The following SATL1 variants were observed in gnomAD, a reference collection of about 807,000 sequenced individuals.
SATL1 encodes the protein spermidine/spermine N1-acetyl transferase like 1, also known as spermidine/spermine N(1)-acetyltransferase-like protein 1.
A neutral mutation model predicts 51.8 loss-of-function variants in SATL1; 47 were observed. That is an observed-to-expected ratio of 0.91 (90% CI 0.72 to 1.16). The LOEUF (loss-of-function observed/expected upper bound fraction) is 1.16, where lower values mean the gene tolerates loss of function less well. Among genes scored for constraint, SATL1 ranks in the 50% most tolerant of loss-of-function variants. The pLI is 0.00. For missense variants in SATL1, 520 were observed against 526.4 expected (o/e 0.99, Z 0.12); for synonymous variants, 176 against 182.4 (o/e 0.97, Z 0.28).
At chrX:85,209,731 CTTT>C (rs1280089137) in intron 2 of SATL1, 5 of 110,496 alleles carry the variant, frequency 4.5e-5, no homozygotes, top group African/African-American at 1.6e-4. Context: ...CCCTTTTCTT[CTTT>C]ACTAGTCTTG....
chrX:85,168,032 AAC>A (rs1491301616), intron 2 of SATL1, among the ~76,000 whole-genome samples: 2 of 111,234 alleles, frequency 1.8e-5, no homozygotes, highest in Non-Finnish European at 3.8e-5. Flanking sequence ...CAAAAAAAAA[AAC>A]ACATGATTGT....
At chrX:85,138,501 T>G (rs946748667) in intron 2 of SATL1, among the ~76,000 whole-genome samples, 1 of 111,521 alleles carries the variant, frequency 9.0e-6, no homozygotes, top group Non-Finnish European at 1.9e-5. Context: ...GAGTTTTTTT[T>G]GTTTTTGTTT....
In SATL1 at chrX:85,220,295, G is replaced by T. The variant is rs772303880; in HGVS notation, c.-313+3910C>A. 1.2e-4 allele frequency among the ~76,000 whole-genome samples: 13 copies of T among 110,248 alleles called. No homozygotes were observed. In the East Asian group the frequency reaches 3.8e-3, roughly 32 times the overall value. ...TTGCCACCCAGGGCCAAAGTGCTCT[G>T]GATTTCAAAGCAAACTTGATAGGCA... On this transcript the variant is annotated intron_variant, in intron 2 of 7. Coordinates refer to ENST00000644105, the MANE Select transcript of SATL1 (RefSeq NM_001367857.2).
chrX:85,152,826 G>A (rs1264716872), intron 2 of SATL1, among the ~76,000 whole-genome samples: 2 of 110,064 alleles, frequency 1.8e-5, no homozygotes, highest in Non-Finnish European at 3.8e-5. Context: ...GTGGGGTGGG[G>A]GTAGTGGGGA....
At chrX:85,119,745 T>G (rs774852510) in intron 2 of SATL1, among the ~76,000 whole-genome samples, 1 of 110,997 alleles carries the variant, frequency 9.0e-6, no homozygotes, top group African/African-American at 3.3e-5. Context: ...AAAATCTGGT[T>G]TTACTTTAGC....
At chrX:85,138,884 G>A (rs1314584399) in intron 2 of SATL1, among the ~76,000 whole-genome samples, 1 of 111,918 alleles carries the variant, frequency 8.9e-6, no homozygotes, top group Non-Finnish European at 1.9e-5. Flanking sequence ...TAATGCAGGA[G>A]AGAAATGAAG....
At chrX:85,101,728 A>G (rs1172543408) in intron 4 of SATL1, among the ~76,000 whole-genome samples, 1 of 111,795 alleles carries the variant, frequency 8.9e-6, no homozygotes, top group Non-Finnish European at 1.9e-5. Context: ...TTGTACACCA[A>G]TGTTTCACAG....
intron 2 of SATL1, among the ~76,000 whole-genome samples, chrX:85,130,115 G>T (rs1487876039): frequency 9.0e-6 from 1 of 111,210 alleles, no homozygotes; most frequent in Non-Finnish European, 1.9e-5. Flanking sequence ...CTCTTTTTTT[G>T]TTGTATCTCT....
intron 2 of SATL1, among the ~76,000 whole-genome samples, chrX:85,113,581 C>G (rs778969432): frequency 8.9e-6 from 1 of 111,854 alleles, no homozygotes; most frequent in African/African-American, 3.2e-5. Flanking sequence ...AACACGTATA[C>G]TATATTTTTT....
chrX:85,151,974 AT>A (rs1926454989), intron 2 of SATL1, among the ~76,000 whole-genome samples: 1 of 110,235 alleles, frequency 9.1e-6, no homozygotes, highest in Non-Finnish European at 1.9e-5. Context: ...ATGGGATCTA[AT>A]TAAACTAAAG....
chrX:85,135,733 G>A (rs1007595652), intron 2 of SATL1, among the ~76,000 whole-genome samples: 17 of 107,526 alleles, frequency 1.6e-4, no homozygotes, highest in Non-Finnish European at 1.9e-5. Context: ...ACTCACCACC[G>A]TGCTCGAGTA....
chrX:85,137,943 G>A (rs1231165875), intron 2 of SATL1, among the ~76,000 whole-genome samples: 5 of 111,365 alleles, frequency 4.5e-5, no homozygotes, highest in East Asian at 2.8e-4. Context: ...ACTAATAAGC[G>A]CATCAAAAAC....
At chrX:85,222,084 T>C (rs1041778535) in intron 2 of SATL1, among the ~76,000 whole-genome samples, 1 of 111,871 alleles carries the variant, frequency 8.9e-6, no homozygotes, top group African/African-American at 3.2e-5. Context: ...GTCAAAGGCA[T>C]AGTTATATAT....
chrX:85,093,321 G>GT, intron 6 of SATL1, 96 bp from the exon 7 acceptor site: 3 of 846,446 alleles, frequency 3.5e-6, no homozygotes, highest in Non-Finnish European at 5.0e-6. Flanking sequence ...CTCTGTATCT[G>GT]TTTTTTGTAT....
chrX:85,196,289 G>A (rs1338653245), intron 2 of SATL1, among the ~76,000 whole-genome samples: 1 of 111,373 alleles, frequency 9.0e-6, no homozygotes, highest in Non-Finnish European at 1.9e-5. Flanking sequence ...AAAAAATAAA[G>A]TAAAATAAAA....
At chrX:85,097,583 C>G (rs1431509639) in intron 4 of SATL1, among the ~76,000 whole-genome samples, 1 of 111,794 alleles carries the variant, frequency 8.9e-6, no homozygotes, top group Non-Finnish European at 1.9e-5. Flanking sequence ...CTCAAGTGAT[C>G]CACCCACCTC....
At chrX:85,094,064 C>T (rs767988991) in intron 6 of SATL1, 64 bp downstream of exon 6, 2 of 601,331 alleles carry the variant, frequency 3.3e-6, no homozygotes, top group Non-Finnish European at 5.6e-6. Context: ...AGCCCTATCT[C>T]CTTAAAATAT....
At chrX:85,184,338 G>A (rs1263478281) in intron 2 of SATL1, among the ~76,000 whole-genome samples, 4 of 111,036 alleles carry the variant, frequency 3.6e-5, no homozygotes, top group South Asian at 3.8e-4. Flanking sequence ...GTATGCTATG[G>A]TCTTCTTGTA....
chrX:85,236,239 G>A (rs1981943072), intron 1 of SATL1, among the ~76,000 whole-genome samples: 1 of 110,990 alleles, frequency 9.0e-6, no homozygotes, highest in African/African-American at 3.3e-5. Context: ...CTTCACTGCT[G>A]AACTTTACCA....
Sources: gnomAD v4.1 joint callset for allele counts (sites outside exome capture counted in the v4.1 genomes callset) on GRCh38, gnomAD v4.1.1 for gene constraint, MANE v1.5 for transcripts, NCBI Gene and HGNC (gene_info 2026-07-23, HGNC 2026-07-21) for gene names.